Variants in SMIM41 observed in about 807,000 individuals in gnomAD.
The protein encoded by SMIM41 is small integral membrane protein 41.
chr12:52,097,357 C>G (rs1485965119), intron 2 of SMIM41, among the ~76,000 whole-genome samples: 1 of 151,752 alleles, frequency 6.6e-6, no homozygotes, highest in African/African-American at 2.4e-5. Flanking sequence ...CACCCCCCCC[C>G]GGATATTACG....
intron 2 of SMIM41, among the ~76,000 whole-genome samples, chr12:52,088,739 G>A (rs569121853): frequency 2.6e-5 from 4 of 152,254 alleles, no homozygotes; most frequent in Admixed American, 6.5e-5. Flanking sequence ...CAGCAGAGGC[G>A]CGTTCTGTCT....
chr12:52,088,654 G>A (rs187368766), intron 2 of SMIM41, among the ~76,000 whole-genome samples: 26 of 152,262 alleles, frequency 1.7e-4, no homozygotes, highest in Admixed American at 1.0e-3. Context: ...CCGCCACCTC[G>A]CCTTGCACCT....
At chr12:52,088,124 C>T (rs976159143) in intron 2 of SMIM41, among the ~76,000 whole-genome samples, 12 of 152,286 alleles carry the variant, frequency 7.9e-5, no homozygotes, top group African/African-American at 2.6e-4. Context: ...ACAGAGGGGT[C>T]GCTGTCCCAC....
intron 2 of SMIM41, among the ~76,000 whole-genome samples, chr12:52,098,882 A>G (rs1940158815): frequency 6.6e-6 from 1 of 151,958 alleles, no homozygotes; most frequent in Non-Finnish European, 1.5e-5. Context: ...GGTATTCAGA[A>G]CAATATTACA....
chr12:52,106,780 A>G (rs7959155), intron 2 of SMIM41, among the ~76,000 whole-genome samples: 2,336 of 152,326 alleles, frequency 0.015, 37 homozygotes, highest in African/African-American at 0.054. Context: ...ATAATGATGA[A>G]ATCACTAGGA....
intron 2 of SMIM41, among the ~76,000 whole-genome samples, chr12:52,103,108 C>G (rs1338532184): frequency 3.3e-5 from 5 of 152,100 alleles, no homozygotes; most frequent in Admixed American, 1.3e-4. Context: ...GGAGGATCAC[C>G]TGAGGTCAGG....
At chr12:52,099,028 T>G (rs544128607) in intron 2 of SMIM41, among the ~76,000 whole-genome samples, 1 of 151,888 alleles carries the variant, frequency 6.6e-6, no homozygotes, top group East Asian at 1.9e-4. Flanking sequence ...CTCTGGATAT[T>G]AGGAAGAGTA....
chr12:52,097,296 C>T (rs1565669282), intron 2 of SMIM41, among the ~76,000 whole-genome samples: 1 of 151,832 alleles, frequency 6.6e-6, no homozygotes, highest in Non-Finnish European at 1.5e-5. Context: ...CTGGATATTA[C>T]GATACACATC....
chr12:52,105,117 C>T (rs1940307479), intron 2 of SMIM41, among the ~76,000 whole-genome samples: 2 of 152,260 alleles, frequency 1.3e-5, no homozygotes, highest in African/African-American at 2.4e-5. Context: ...ATCCAACCTG[C>T]CCTCTCAAAT....
intron 2 of SMIM41, among the ~76,000 whole-genome samples, chr12:52,097,413 A>G (rs1290404150): frequency 6.6e-6 from 1 of 151,714 alleles, no homozygotes; most frequent in Non-Finnish European, 1.5e-5. Flanking sequence ...GCAGGGAGTA[A>G]TACCTACCCC....
intron 2 of SMIM41, 79 bp from the exon 3 acceptor site, chr12:52,107,300 C>A: frequency 2.3e-6 from 1 of 439,292 alleles, no homozygotes; most frequent in Admixed American, 2.6e-5. Context: ...GATTTCTCAA[C>A]GCTCTTTTCT....
chr12:52,104,330 T>A (rs1940283488), intron 2 of SMIM41: 1 of 154,804 alleles, frequency 6.5e-6, no homozygotes, highest in African/African-American at 2.4e-5. Flanking sequence ...TAGTAAATAG[T>A]CTGTGCCTCC....
intron 2 of SMIM41, among the ~76,000 whole-genome samples, chr12:52,105,322 G>A (rs1940313496): frequency 6.6e-6 from 1 of 152,198 alleles, no homozygotes; most frequent in African/African-American, 2.4e-5. Context: ...CCTGTTCCTG[G>A]CTTTCCTTAC....
intron 2 of SMIM41, among the ~76,000 whole-genome samples, chr12:52,102,740 G>C (rs539462048): frequency 7.2e-5 from 11 of 152,190 alleles, no homozygotes; most frequent in Non-Finnish European, 1.5e-4. Context: ...AAGTAGGAAT[G>C]CTCGAATATG....
intron 2 of SMIM41, among the ~76,000 whole-genome samples, chr12:52,096,230 C>T (rs1174969136): frequency 2.0e-5 from 3 of 151,296 alleles, no homozygotes; most frequent in Admixed American, 6.6e-5. Context: ...ACACTTCCTG[C>T]GATACTGGGA....
At chr12:52,083,173 C>T (rs1939841897) in intron 1 of SMIM41, among the ~76,000 whole-genome samples, 1 of 152,150 alleles carries the variant, frequency 6.6e-6, no homozygotes, top group South Asian at 2.1e-4. Flanking sequence ...GCTGGCTGTG[C>T]CCCCTGCCTT....
chr12:52,085,993 C>A (rs1179998642), intron 2 of SMIM41, among the ~76,000 whole-genome samples: 1 of 152,166 alleles, frequency 6.6e-6, no homozygotes, highest in Non-Finnish European at 1.5e-5. Flanking sequence ...GAGTTCTGAG[C>A]CCTGATGCTG....
In SMIM41 at chr12:52,088,476, C is replaced by A. The variant is rs147656438; in HGVS notation, c.*195+4508C>A. On this transcript the variant is annotated intron_variant, in intron 2 of 2. Coordinates refer to ENST00000546390, the MANE Select transcript of SMIM41 (RefSeq NM_001369216.1). ...GGAAGGACTGTGGAAGGTGCCAGAGCACACCCACAGCCAGGTTCTTCCCTC... is the reference window on the plus strand; with the variant it reads ...GGAAGGACTGTGGAAGGTGCCAGAGAACACCCACAGCCAGGTTCTTCCCTC... Among the ~76,000 whole-genome samples the A allele has an allele frequency of 2.1e-3, 323 of 152,286 alleles. 2 individuals are homozygous for A. The highest frequency in any genetic ancestry group is 3.6e-3 in the Non-Finnish European group (242 of 68,004).
chr12:52,096,543 A>G (rs147291461), intron 2 of SMIM41, among the ~76,000 whole-genome samples: 6 of 151,958 alleles, frequency 3.9e-5, no homozygotes, highest in African/African-American at 1.4e-4. Flanking sequence ...TAATATTAAG[A>G]AATAATTGAT....
Sources: gnomAD v4.1 joint callset for allele counts (sites outside exome capture counted in the v4.1 genomes callset) on GRCh38, gnomAD v4.1.1 for gene constraint, MANE v1.5 for transcripts, NCBI Gene and HGNC (gene_info 2026-07-23, HGNC 2026-07-21) for gene names.